The following TSPEAR variants were observed in gnomAD, a reference collection of about 807,000 sequenced individuals.
TSPEAR encodes the protein thrombospondin-type laminin G domain and EAR repeat-containing protein.
A neutral mutation model predicts 71.6 loss-of-function variants in TSPEAR; 69 were observed. That is an observed-to-expected ratio of 0.96 (90% CI 0.79 to 1.18). The LOEUF (loss-of-function observed/expected upper bound fraction) is 1.18. Among genes scored for constraint, TSPEAR ranks in the 50% most tolerant of loss-of-function variants. The probability of loss-of-function intolerance (pLI) is 0.00; values close to 1 mark genes in which losing one functional copy is unlikely to be tolerated. For missense variants in TSPEAR, 971 were observed against 894.9 expected (o/e 1.09, Z -1.09); for synonymous variants, 402 against 387.2 (o/e 1.04, Z -0.45).
In TSPEAR at chr21:44,540,786, C is replaced by T. The variant is rs1249708114; in HGVS notation, c.304-6863G>A. On this transcript the variant is annotated intron_variant, in intron 2 of 11. Transcript: ENST00000323084. Reference sequence around the variant, plus strand: ...GGGGAGCAAGGAAGGAGAGGCCATGCCCCTCCCCACGGCCTTCCCCGAGGT... The same window carrying T: ...GGGGAGCAAGGAAGGAGAGGCCATGTCCCTCCCCACGGCCTTCCCCGAGGT... Among the ~76,000 whole-genome samples, 6 of 152,176 alleles carry T rather than the reference C, an allele frequency of 3.9e-5. No individual in the cohort carries two copies. The East Asian group carries it at 1.2e-3, about 29-fold the overall frequency.
Position 44,506,954 on chromosome 21 carries a change from ATTC to A in TSPEAR, c.1755-2076_1755-2074del, listed in dbSNP as rs2052217161. 6.6e-6 allele frequency: 1 copy of A among 152,238 alleles called. No homozygotes were observed. 9.4% of individuals were successfully genotyped at this position (152,238 alleles called of 1,614,324 possible). On this transcript the variant is annotated intron_variant, in intron 10 of 11. Coordinates refer to ENST00000323084, the MANE Select transcript of TSPEAR (RefSeq NM_144991.3). This position sits in a 1 kb window ranked among gnomAD's most constrained non-coding sequence, Gnocchi z 4.2. ...TCACACTCGCTGTAGGACAGATGTT[ATTC>A]TTCAGAATCACGCCCTCTGGCAAAT...
chr21:44,524,848 TCAGTCAGC>T (rs1368961066), intron 8 of TSPEAR, among the ~76,000 whole-genome samples: 3 of 151,036 alleles, frequency 2.0e-5, no homozygotes, highest in African/African-American at 7.3e-5. Context: ...AGTGAGGTAG[TCAGTCAGC>T]CAATAGCCAG....
At chr21:44,690,449 T>TCAAA (rs1424901328) in intron 1 of TSPEAR, 3 of 714,254 alleles carry the variant, frequency 4.2e-6, no homozygotes, top group South Asian at 6.3e-5. Flanking sequence ...TTCCAGAAAA[T>TCAAA]CAAACAAACA....
At chr21:44,669,381 CCACTG>C (rs1330360726) in intron 1 of TSPEAR, among the ~76,000 whole-genome samples, 17 of 152,252 alleles carry the variant, frequency 1.1e-4, no homozygotes, top group East Asian at 7.7e-4. Flanking sequence ...TGAGATTGCA[CCACTG>C]CACTCCAGCC....
chr21:44,508,374 G>T (rs1332870096), intron 10 of TSPEAR: 2 of 613,578 alleles, frequency 3.3e-6, no homozygotes, highest in Non-Finnish European at 4.2e-6. Flanking sequence ...CAGGTGAATT[G>T]TTACCGAATG....
intron 1 of TSPEAR, among the ~76,000 whole-genome samples, chr21:44,648,418 G>A (rs1984568481): frequency 1.3e-5 from 2 of 152,116 alleles, no homozygotes; most frequent in South Asian, 2.1e-4. Context: ...AAACCCACGT[G>A]GACTCATAAA....
At chr21:44,524,654 T>G (rs1333322352) in intron 8 of TSPEAR, among the ~76,000 whole-genome samples, 3 of 150,860 alleles carry the variant, frequency 2.0e-5, no homozygotes, top group East Asian at 3.9e-4. Flanking sequence ...AGTTAGGTAG[T>G]TAGTCATCAG....
chr21:44,689,712 A>ATATACATATATATATATATATATAT (rs1555949491), intron 1 of TSPEAR, among the ~76,000 whole-genome samples: 2 of 62,038 alleles, frequency 3.2e-5, no homozygotes, highest in Non-Finnish European at 5.7e-5. Flanking sequence ...GAATAGAATG[A>ATATACATATATATATATATATATAT]ATATATATAT....
At chr21:44,516,883 A>G (rs143007758) in intron 9 of TSPEAR, among the ~76,000 whole-genome samples, 38 of 152,178 alleles carry the variant, frequency 2.5e-4, no homozygotes, top group Middle Eastern at 3.4e-3. Context: ...CTTCCTTCCC[A>G]GAGGAAGAAA....
intron 1 of TSPEAR, among the ~76,000 whole-genome samples, chr21:44,609,788 A>T (rs1981540458): frequency 1.3e-5 from 2 of 152,186 alleles, no homozygotes; most frequent in Non-Finnish European, 2.9e-5. Flanking sequence ...GGCTATGAAC[A>T]ATATTTACTT....
intron 1 of TSPEAR, among the ~76,000 whole-genome samples, chr21:44,664,680 TC>T (rs1555944330): frequency 1.3e-5 from 2 of 152,236 alleles, no homozygotes; most frequent in Admixed American, 6.5e-5. Flanking sequence ...GCTGCATTTA[TC>T]AGGGCAGGAT....
At chr21:44,693,277 A>G (rs1051154860) in intron 1 of TSPEAR, among the ~76,000 whole-genome samples, 1 of 152,168 alleles carries the variant, frequency 6.6e-6, no homozygotes, top group Non-Finnish European at 1.5e-5. Context: ...GATGGGAAAA[A>G]TGCTTTATTC....
Position 44,529,928 on chromosome 21 carries a change from C to G in TSPEAR, c.660G>C (p.Leu220=). 1.2e-6 allele frequency: 2 copies of G among 1,606,642 alleles called. No homozygotes were observed. Among genetic ancestry groups the G allele is most frequent in the Non-Finnish European group, 1.7e-6 (2 of 1,178,192 alleles). The change falls in exon 5 of 12, where the codon CTG becomes CTC. Residue 220 remains leucine (L), a synonymous_variant. Coordinates refer to ENST00000323084, the MANE Select transcript of TSPEAR (RefSeq NM_144991.3). The part of the protein sequence containing the change: ...FMGLVRQLVL[L]PGSDATPRLC... ...GCCTTGGGGTGGCGTCTGAGCCCGG[C>G]AGCAGGACCAGTTGCCTCACCAGTC...
chr21:44,500,287 A>T (rs1020427322), intron 11 of TSPEAR, among the ~76,000 whole-genome samples: 1 of 152,084 alleles, frequency 6.6e-6, no homozygotes, highest in Non-Finnish European at 1.5e-5. Flanking sequence ...CCCCTCAAAC[A>T]CACGCAGGCC....
chr21:44,650,108 C>T (rs930073099), intron 1 of TSPEAR, among the ~76,000 whole-genome samples: 1 of 151,982 alleles, frequency 6.6e-6, no homozygotes, highest in Admixed American at 6.6e-5. Flanking sequence ...ACCTCTAGTC[C>T]CAGCTACTTT....
rs75399200 is a variant in TSPEAR at position 44,558,291 on chromosome 21, C to A, written c.303+9494G>T. On this transcript the variant is annotated intron_variant, in intron 2 of 11. Transcript: ENST00000323084. ...GGAGGTGGTGCAGCAAGCCGGCTGG[C>A]GGCTAGACTGCTGGCAGCATGAAGA... The A allele has an allele frequency of 3.1e-6, 5 of 1,614,112 alleles. No homozygotes were observed. In the South Asian group the frequency reaches 5.5e-5, roughly 18 times the overall value.
intron 1 of TSPEAR, chr21:44,690,434 T>G (rs1351111581): frequency 2.9e-5 from 15 of 519,772 alleles, no homozygotes; most frequent in Non-Finnish European, 3.7e-5. Flanking sequence ...GTGGTTCCCA[T>G]GGGCTTCCAG....
At chr21:44,609,061 G>A (rs1469602999) in intron 1 of TSPEAR, among the ~76,000 whole-genome samples, 1 of 152,212 alleles carries the variant, frequency 6.6e-6, no homozygotes, top group Non-Finnish European at 1.5e-5. Flanking sequence ...GATGCATGCA[G>A]CAACATGGTG....
chr21:44,594,018 G>A (rs587606730), intron 1 of TSPEAR, among the ~76,000 whole-genome samples: 1 of 152,330 alleles, frequency 6.6e-6, no homozygotes, highest in South Asian at 2.1e-4. Flanking sequence ...GTGCCTTTGT[G>A]TCCTGAGAAG....
Sources: gnomAD v4.1 joint callset for allele counts (sites outside exome capture counted in the v4.1 genomes callset) on GRCh38, gnomAD v4.1.1 for gene constraint, Gnocchi (gnomAD v3.1) non-coding constraint, MANE v1.5 for transcripts, NCBI Gene and HGNC (gene_info 2026-07-23, HGNC 2026-07-21) for gene names.